Variants in NCAPH2 observed in about 807,000 individuals in gnomAD.
The protein encoded by NCAPH2 is condensin-2 complex subunit H2.
NCAPH2 carries 56 observed loss-of-function variants against 88.6 expected under a neutral mutation model. The observed-to-expected ratio is 0.63, with a 90% CI of 0.51 to 0.79. The LOEUF is 0.79. Ranked by LOEUF, NCAPH2 falls within the 30% of genes least tolerant of loss-of-function variation. The probability of loss-of-function intolerance (pLI) is 0.00; values close to 1 mark genes in which losing one functional copy is unlikely to be tolerated. For missense variants in NCAPH2, 794 were observed against 792.0 expected (o/e 1.00, Z -0.03); for synonymous variants, 378 against 313.6 (o/e 1.21, Z -2.17).
Position 50,518,190 on chromosome 22 carries a change from C to T in NCAPH2, c.558C>T (p.Pro186=). ...ATTTCAGGATGAACACGTGCGTTCC[C>T]CACCCCAGAGGGGCCTTCATGTTGG... is the stretch of plus-strand genomic sequence containing the variant. ...RKDFRMNTCV[P]HPRGAFMLEP... is the part of the protein sequence containing the mutation. Residue 186 remains proline, a synonymous_variant, in exon 7 of 20, where the codon CCC becomes CCT. Coordinates refer to ENST00000420993, the MANE Select transcript of NCAPH2 (RefSeq NM_152299.4). 1.2e-6 allele frequency: 2 copies of T among 1,614,076 alleles called. No homozygotes were observed. The highest frequency in any genetic ancestry group is 1.7e-6 in the Non-Finnish European group (2 of 1,180,024).
chr22:50,521,413 C>T (rs1353264770), intron 10 of NCAPH2, 130 bp from the exon 11 acceptor site: 2 of 956,456 alleles, frequency 2.1e-6, no homozygotes, highest in Non-Finnish European at 3.3e-6. Context: ...CCCCCTACTC[C>T]TCCTTTGGGA....
At chr22:50,516,610 C>G (rs1569520464) in intron 2 of NCAPH2, 62 bp downstream of exon 2, 25 of 1,490,202 alleles carry the variant, frequency 1.7e-5, no homozygotes, top group Non-Finnish European at 2.1e-5. Context: ...AGTCGGCTCT[C>G]CTTCTGGGGC....
chr22:50,520,255 T>C (rs1603441348), intron 9 of NCAPH2, among the ~76,000 whole-genome samples: 1 of 152,256 alleles, frequency 6.6e-6, no homozygotes, highest in East Asian at 1.9e-4. Context: ...TATCTTATTT[T>C]ATTTATTTAT....
At chr22:50,513,444 C>CGAGGT (rs961973960) in intron 1 of NCAPH2, among the ~76,000 whole-genome samples, 12 of 152,140 alleles carry the variant, frequency 7.9e-5, no homozygotes, top group Non-Finnish European at 1.5e-5. Flanking sequence ...TTAGGGAGGC[C>CGAGGT]GAGGTGGCTC....
At chr22:50,520,738 T>G in intron 9 of NCAPH2, 1 of 490,992 alleles carries the variant, frequency 2.0e-6, no homozygotes, top group East Asian at 3.6e-5. Context: ...TTTTTTGCAT[T>G]TTTAGTAGAG....
At chr22:50,517,310 G>A in intron 2 of NCAPH2, 117 bp from the exon 3 acceptor site, 2 of 1,026,970 alleles carry the variant, frequency 1.9e-6, no homozygotes, top group Non-Finnish European at 1.5e-6. Context: ...GTGGTTTCTT[G>A]TACTGGAGGT....
At chr22:50,516,963 C>T (rs1244331710) in intron 2 of NCAPH2, among the ~76,000 whole-genome samples, 1 of 152,222 alleles carries the variant, frequency 6.6e-6, no homozygotes. Context: ...GGGCTCTGTC[C>T]TGCAGGCCCC....
At position 50,518,014 on chromosome 22, in the gene NCAPH2, C is replaced by G. The variant is rs1467420586; in HGVS notation, c.462C>G (p.Ala154=). The change falls in exon 6 of 20, where the codon GCC becomes GCG. Residue 154 remains alanine (A), a synonymous_variant. Coordinates refer to ENST00000420993, the MANE Select transcript of NCAPH2 (RefSeq NM_152299.4). The part of the protein sequence containing the change: ...IIPLLPMALV[A]PDEMEKNNNP... ...CCCTCCTGCCCATGGCCCTGGTGGC[C>G]CCTGATGAAATGGAGAAGAACAACA... 6.2e-7 allele frequency: 1 copy of G among 1,614,034 alleles called. No homozygotes were observed. Among genetic ancestry groups the G allele is most frequent in the Non-Finnish European group, 8.5e-7 (1 of 1,179,980 alleles).
In NCAPH2 at chr22:50,524,628, C is replaced by T. The variant is rs938390788; in HGVS notation, c.*1253C>T. 1.8e-5 allele frequency: 13 copies of T among 709,384 alleles called. No homozygotes were observed. Among genetic ancestry groups the T allele is most frequent in the South Asian group, 4.5e-5 (3 of 66,694 alleles). 43.9% of individuals were successfully genotyped at this position (709,384 alleles called of 1,614,324 possible). A position where few individuals can be genotyped will look rare whatever the true frequency, so the allele number is the denominator to read the frequency against. On this transcript the variant is annotated 3_prime_UTR_variant, in exon 20 of 20. Coordinates refer to ENST00000420993, the MANE Select transcript of NCAPH2 (RefSeq NM_152299.4). ...GGGCAACCACACCTGTCACTCCTGT[C>T]CTCTACCTGGGATCACCAGCCTGTC...
chr22:50,521,651 G>C, intron 11 of NCAPH2, 42 bp downstream of exon 11: 44 of 1,612,222 alleles, frequency 2.7e-5, no homozygotes, highest in Non-Finnish European at 3.7e-5. Context: ...ACCCCTGGCT[G>C]GGTTTCCTGG....
At position 50,523,593 on chromosome 22, in the gene NCAPH2, G is replaced by A. The variant is rs749308818; in HGVS notation, c.*218G>A. Reference sequence around the variant, plus strand: ...TTAAACGCAGCCCGTTTAATGATGGGGCCCAGACTGCAGTGGCTCAAGACA... The same window carrying A: ...TTAAACGCAGCCCGTTTAATGATGGAGCCCAGACTGCAGTGGCTCAAGACA... On this transcript the variant is annotated 3_prime_UTR_variant, in exon 20 of 20. Coordinates refer to ENST00000420993, the MANE Select transcript of NCAPH2 (RefSeq NM_152299.4). 6.2e-7 allele frequency: 1 copy of A among 1,612,208 alleles called. No individual in the cohort carries two copies. The highest frequency in any genetic ancestry group is 1.1e-5 in the South Asian group (1 of 91,036).
rs1231445949 is a variant in NCAPH2, at chr22:50,520,994, G to A, written c.891G>A (p.Leu297=). The change falls in exon 10 of 20, where the codon CTG becomes CTA. Residue 297 remains leucine (L), a synonymous_variant. Transcript: ENST00000420993. ...QSAALPRRYM[L]REREGAPEPA... The stretch of plus-strand genomic sequence containing the variant: ...CTGCCCTGCCCAGGAGGTACATGCT[G>A]CGGGAGCGGGAGGGGGCCCCAGAGC... 2 of 1,551,114 alleles carry A rather than the reference G, an allele frequency of 1.3e-6. No homozygotes were observed. Among genetic ancestry groups the A allele is most frequent in the South Asian group, 2.4e-5 (2 of 84,070 alleles).
intron 7 of NCAPH2, among the ~76,000 whole-genome samples, 181 bp downstream of exon 7, chr22:50,518,459 A>T (rs1183521676): frequency 1.3e-5 from 2 of 151,984 alleles, no homozygotes; most frequent in Admixed American, 1.3e-4. Flanking sequence ...CTTGATTACA[A>T]GTTAACATGG....
chr22:50,522,666 C>G lies in NCAPH2; in HGVS notation c.1376-5C>G. On this transcript the variant is annotated splice_region_variant and splice_polypyrimidine_tract_variant and intron_variant, in intron 16 of 19. Coordinates refer to ENST00000420993, the MANE Select transcript of NCAPH2 (RefSeq NM_152299.4). ...GCTGCCCAGCTCACAGCTACCCCTT[C>G]CCAGACGCAGTGCCGATGTCCCTGA... 1 of 1,613,740 alleles carries G rather than the reference C, an allele frequency of 6.2e-7. No individual in the cohort carries two copies. Among genetic ancestry groups the G allele is most frequent in the Non-Finnish European group, 8.5e-7 (1 of 1,180,006 alleles).
At chr22:50,516,249 G>A (rs570929945) in intron 1 of NCAPH2, among the ~76,000 whole-genome samples, 198 bp from the exon 2 acceptor site, 2 of 152,224 alleles carry the variant, frequency 1.3e-5, no homozygotes, top group East Asian at 3.9e-4. Flanking sequence ...ACAGGTTTTT[G>A]TTATAGGAAG....
At position 50,517,430 on chromosome 22, in the gene NCAPH2, G is replaced by T. The variant is rs1382251227; in HGVS notation, c.214G>T (p.Glu72Ter). 6.2e-7 allele frequency: 1 copy of T among 1,613,882 alleles called. No individual in the cohort carries two copies. The highest frequency in any genetic ancestry group is 8.5e-7 in the Non-Finnish European group (1 of 1,180,022). The change falls in exon 3 of 20, where the codon GAA becomes TAA. Residue 72 changes from glutamate (E) to a stop codon, truncating the protein, a stop_gained. Coordinates refer to ENST00000420993, the MANE Select transcript of NCAPH2 (RefSeq NM_152299.4). LOFTEE classifies it high-confidence loss of function. ...ACTGCCTGCATCTGGTCACCAGGTG[G>T]AATACCTCTACTCACTCGTCTACCA... ...GSACVYSKKV[E>*]YLYSLVYQAL...
chr22:50,521,494 G>A (rs1227578452), intron 10 of NCAPH2, 49 bp from the exon 11 acceptor site: 7 of 1,592,128 alleles, frequency 4.4e-6, no homozygotes, highest in East Asian at 4.5e-5. Context: ...TGGGAGGGAC[G>A]GCTGTGCACC....
In NCAPH2 at chr22:50,523,147, T is replaced by C. The variant is rs776947874; in HGVS notation, c.1658T>C (p.Met553Thr). 12 of 1,613,812 alleles carry C rather than the reference T, an allele frequency of 7.4e-6. No homozygotes were observed. Among genetic ancestry groups the C allele is most frequent in the Non-Finnish European group, 1.0e-5 (12 of 1,179,934 alleles). ...GQPAFEVCRSMLASLQLANDY... is the reference protein window; with the variant it reads ...GQPAFEVCRSTLASLQLANDY... ...CCGGCCTTCGAGGTGTGTCGTTCCA[T>C]GCTGGCCTCCCTGCAGCTGGTGAGT... Residue 553 changes from methionine (M) to threonine (T), a missense_variant, in exon 19 of 20, where the codon ATG becomes ACG. Met to Thr is a moderately conservative substitution (Grantham distance 81). Around this residue, in one of 2 missense-constraint regions of NCAPH2, gnomAD observed 735 missense variants for 696.3 expected, o/e 1.06. Coordinates refer to ENST00000420993, the MANE Select transcript of NCAPH2 (RefSeq NM_152299.4).
At position 50,522,687 on chromosome 22, in the gene NCAPH2, C is replaced by T. The variant is rs1256578712; in HGVS notation, c.1392C>T (p.Ser464=). Residue 464 remains serine, a synonymous_variant, in exon 17 of 20, where the codon TCC becomes TCT. Coordinates refer to ENST00000420993, the MANE Select transcript of NCAPH2 (RefSeq NM_152299.4). ...EAADLDAVPM[S]LSYEELVRRN... is the part of the protein sequence containing the mutation. ...CCTTCCCAGACGCAGTGCCGATGTC[C>T]CTGAGCTACGAGGAGCTGGTTCGAA... 13 of 1,613,592 alleles carry T rather than the reference C, an allele frequency of 8.1e-6. No homozygotes were observed. The Admixed American group carries it at 1.5e-4, about 19-fold the overall frequency.
Sources: gnomAD v4.1 joint callset for allele counts (sites outside exome capture counted in the v4.1 genomes callset) on GRCh38, gnomAD v4.1.1 for gene constraint, gnomAD v4.1.1 regional missense constraint, MANE v1.5 for transcripts, NCBI Gene and HGNC (gene_info 2026-07-23, HGNC 2026-07-21) for gene names.